The following AP2A1 variants were observed in gnomAD, a reference collection of about 807,000 sequenced individuals.
AP2A1 encodes adaptor related protein complex 2 subunit alpha 1.
In AP2A1, 21 loss-of-function variants were observed where a neutral mutation model predicts 107.3. The ratio of observed to expected loss-of-function variants is 0.20; its 90% confidence interval spans 0.14 to 0.28. AP2A1 has a LOEUF of 0.28. Among genes scored for constraint, AP2A1 ranks in the 10% least tolerant of loss-of-function variants. The probability of loss-of-function intolerance (pLI) is 1.00; values close to 1 mark genes in which losing one functional copy is unlikely to be tolerated. For missense variants in AP2A1, 873 were observed against 1,307.7 expected, an observed-to-expected ratio of 0.67 and a Z score of 5.13; for synonymous variants, 602 against 564.8, an observed-to-expected ratio of 1.07 and a Z score of -0.93.
chr19:49,805,300 T>C, intron 18 of AP2A1, 153 bp from the exon 19 acceptor site: 3 of 922,004 alleles, frequency 3.3e-6, no homozygotes, highest in South Asian at 4.3e-5. Flanking sequence ...GTATGAACTT[T>C]GTAGTTGAAC....
At chr19:49,791,897 TG>T (rs1431438079) in intron 4 of AP2A1, 37 bp from the exon 5 acceptor site, 1 of 1,569,748 alleles carries the variant, frequency 6.4e-7, no homozygotes, top group East Asian at 2.3e-5. Context: ...CTGGGGTCAC[TG>T]ACTCTGCTTC....
At chr19:49,769,858 G>A (rs944900960) in intron 1 of AP2A1, among the ~76,000 whole-genome samples, 1 of 152,046 alleles carries the variant, frequency 6.6e-6, no homozygotes, top group African/African-American at 2.4e-5. Flanking sequence ...AGAAGGGACT[G>A]GTGAGAAATG....
At chr19:49,776,437 G>A (rs1008521164) in intron 1 of AP2A1, among the ~76,000 whole-genome samples, 1 of 152,096 alleles carries the variant, frequency 6.6e-6, no homozygotes, top group Non-Finnish European at 1.5e-5. Flanking sequence ...TCTCAGCCCC[G>A]AAATGTGTAT....
chr19:49,791,347 A>G (rs1600230402), intron 4 of AP2A1, among the ~76,000 whole-genome samples: 1 of 151,462 alleles, frequency 6.6e-6, no homozygotes, highest in South Asian at 2.1e-4. Context: ...CTCCCACCTC[A>G]CCCTCCCGAG....
rs1242803850 is a variant in AP2A1 at position 49,788,922 on chromosome 19, A to G, written c.474-3013A>G. Among the ~76,000 whole-genome samples, 1 of 152,178 alleles carries G rather than the reference A, an allele frequency of 6.6e-6. No individual in the cohort carries two copies. The highest frequency in any genetic ancestry group is 6.5e-5 in the Admixed American group (1 of 15,274). ...GCTGGTCTTGGTCTGCTGCACACAC[A>G]GCAGTGGCCTTTCTAGACAGAGGAA... On this transcript the variant is annotated intron_variant, in intron 4 of 22. Coordinates refer to ENST00000354293, the MANE Select transcript of AP2A1 (RefSeq NM_130787.3). This position sits in a 1 kb window ranked among gnomAD's most constrained non-coding sequence, Gnocchi z 4.5.
In AP2A1 at chr19:49,788,549, G is replaced by T. The variant is rs1294335735; in HGVS notation, c.474-3386G>T. On this transcript the variant is annotated intron_variant, in intron 4 of 22. Coordinates refer to ENST00000354293, the MANE Select transcript of AP2A1 (RefSeq NM_130787.3). This position sits in a 1 kb window ranked among gnomAD's most constrained non-coding sequence, Gnocchi z 4.5. Reference sequence around the variant, plus strand: ...GGCAGCGATGGGAAAGTGGCCCAGAGTCAGGGCTCGGGAGATGCGCTGTGG... The same window carrying T: ...GGCAGCGATGGGAAAGTGGCCCAGATTCAGGGCTCGGGAGATGCGCTGTGG... Among the ~76,000 whole-genome samples the T allele has an allele frequency of 6.6e-6, 1 of 152,066 alleles. No homozygotes were observed. Among genetic ancestry groups the T allele is most frequent in the Non-Finnish European group, 1.5e-5 (1 of 68,000 alleles).
intron 1 of AP2A1, among the ~76,000 whole-genome samples, chr19:49,777,049 T>G (rs1282762012): frequency 6.8e-6 from 1 of 147,212 alleles, no homozygotes; most frequent in African/African-American, 2.5e-5. Flanking sequence ...GTCAACATGG[T>G]GAAACCCTGT....
At chr19:49,781,652 G>A (rs1352025522) in intron 1 of AP2A1, 105 bp from the exon 2 acceptor site, 1 of 1,196,682 alleles carries the variant, frequency 8.4e-7, no homozygotes, top group East Asian at 2.6e-5. Flanking sequence ...CTTGGGGGCG[G>A]AGAAGATCTG....
Position 49,802,116 on chromosome 19 carries a change from C to A in AP2A1, c.2089C>A (p.Pro697Thr). 1.3e-6 allele frequency: 2 copies of A among 1,582,708 alleles called. No homozygotes were observed. Among genetic ancestry groups the A allele is most frequent in the Non-Finnish European group, 1.7e-6 (2 of 1,171,016 alleles). Residue 697 changes from proline (P) to threonine (T), a missense_variant, in exon 15 of 23, where the codon CCC (proline) becomes ACC (threonine). Physicochemically the swap from Pro to Thr is conservative, Grantham distance 38. This residue lies in a region of AP2A1 where 416 missense variants were observed against 473.4 expected (regional missense o/e 0.88). Transcript: ENST00000354293. Reference protein sequence around the residue: ...DGPAAQPSLGPTPEEAFLSPG... With the variant: ...DGPAAQPSLGTTPEEAFLSPG... ...CCCGGCCGCCCAGCCCAGCCTGGGG[C>A]CCACCCCCGAGGAGGCCTTCCTCAG...
intron 1 of AP2A1, among the ~76,000 whole-genome samples, chr19:49,767,907 G>T (rs2084519844): frequency 6.6e-6 from 1 of 151,906 alleles, no homozygotes; most frequent in Admixed American, 6.6e-5. Flanking sequence ...TGAGGGGAAA[G>T]GAGGGACCCA....
chr19:49,791,831 G>A (rs1038752925), intron 4 of AP2A1, 104 bp from the exon 5 acceptor site: 12 of 1,438,420 alleles, frequency 8.3e-6, no homozygotes, highest in African/African-American at 4.2e-5. Context: ...TGTCCCTCTC[G>A]CTGGCCTCGC....
Position 49,799,579 on chromosome 19 carries a change from G to C in AP2A1, c.1135-50G>C, listed in dbSNP as rs115948131. ...CAGAGGCCCTTGGGTGGCCAACCCT[G>C]TGCCAACAGGGAGTCTAAAACACAC... On this transcript the variant is annotated intron_variant, in intron 9 of 22. Coordinates refer to ENST00000354293, the MANE Select transcript of AP2A1 (RefSeq NM_130787.3). 1.8e-3 allele frequency: 2,901 copies of C among 1,600,166 alleles called. 49 individuals are homozygous for C. The African/African-American group carries it at 0.034, about 19-fold the overall frequency.
At chr19:49,802,905 C>T (rs1352257493) in intron 15 of AP2A1, 44 bp from the exon 16 acceptor site, 14 of 1,594,408 alleles carry the variant, frequency 8.8e-6, no homozygotes, top group African/African-American at 4.0e-5. Context: ...CTTTGCCCCT[C>T]CCCACCAAGT....
intron 7 of AP2A1, chr19:49,796,076 A>C: frequency 3.5e-6 from 1 of 285,010 alleles, no homozygotes; most frequent in South Asian, 4.7e-5. Context: ...GCCCAGCGTC[A>C]CTCACCCGGT....
intron 5 of AP2A1, among the ~76,000 whole-genome samples, 185 bp downstream of exon 5, chr19:49,792,249 G>A (rs2073154477): frequency 7.1e-6 from 1 of 140,706 alleles, no homozygotes; most frequent in South Asian, 2.4e-4. Flanking sequence ...GGATACCCAG[G>A]GCTCCCACCT....
At chr19:49,793,162 G>GC in intron 6 of AP2A1, 70 bp downstream of exon 6, 1 of 1,375,954 alleles carries the variant, frequency 7.3e-7, no homozygotes, top group Non-Finnish European at 1.0e-6. Context: ...CACCCCTCAG[G>GC]CCCCCACTCT....
rs746313173 is a variant in AP2A1, at chr19:49,806,744, G to A, written c.2854G>A (p.Ala952Thr). The change falls in exon 23 of 23, where the codon GCA becomes ACA. Residue 952 changes from alanine (A) to threonine (T), a missense_variant. By Grantham distance (58) the Ala-to-Thr change is moderately conservative (BLOSUM62 0). Transcript: ENST00000354293. ...PVSRHLCELL[A>T]QQF is the part of the protein sequence containing the mutation. ...CTCCCGTCACCTGTGTGAGCTGCTG[G>A]CACAGCAGTTCTGAGCCCTGGACTC... 6.2e-7 allele frequency: 1 copy of A among 1,613,732 alleles called. No homozygotes were observed. The highest frequency in any genetic ancestry group is 1.1e-5 in the South Asian group (1 of 91,062).
At chr19:49,782,189 G>A in intron 3 of AP2A1, 100 bp downstream of exon 3, 1 of 1,012,392 alleles carries the variant, frequency 9.9e-7, no homozygotes, top group Non-Finnish European at 1.4e-6. Context: ...AGGGGGTCTA[G>A]GGGTCTGGAC....
At chr19:49,789,149 T>A (rs889492003) in intron 4 of AP2A1, among the ~76,000 whole-genome samples, 7 of 152,164 alleles carry the variant, frequency 4.6e-5, no homozygotes, top group South Asian at 2.1e-4. Flanking sequence ...AGGTCTCCCC[T>A]CTGAGGACTT....
Sources: allele counts gnomAD v4.1 joint callset (sites outside exome capture counted in the v4.1 genomes callset), GRCh38; gene constraint gnomAD v4.1.1; regional missense constraint gnomAD v4.1.1; non-coding constraint Gnocchi (gnomAD v3.1); transcripts MANE v1.5; gene names NCBI Gene and HGNC (gene_info 2026-07-23, HGNC 2026-07-21).